The following TIMM23B variants were observed in gnomAD, a reference collection of about 807,000 sequenced individuals.
TIMM23B encodes translocase of inner mitochondrial membrane 23 homolog B, also known as mitochondrial import inner membrane translocase subunit Tim23B.
In TIMM23B, 27 loss-of-function variants were observed where a neutral mutation model predicts 27.3. That is an observed-to-expected ratio of 0.99 (90% CI 0.73 to 1.36). TIMM23B has a LOEUF of 1.36. Among genes scored for constraint, TIMM23B ranks in the 40% most tolerant of loss-of-function variants. The probability of loss-of-function intolerance (pLI) is 0.00; values close to 1 mark genes in which losing one functional copy is unlikely to be tolerated. For missense variants in TIMM23B, 205 were observed against 244.2 expected (o/e 0.84, Z 1.07); for synonymous variants, 73 against 92.4 (o/e 0.79, Z 1.21).
intron 6 of TIMM23B, among the ~76,000 whole-genome samples, chr10:49,964,533 A>G (rs558593774): frequency 8.2e-4 from 125 of 152,298 alleles, no homozygotes; most frequent in African/African-American, 2.9e-3. Context: ...TGGGCAATAG[A>G]GGGAGTCTCC....
chr10:49,952,483 A>G lies in TIMM23B; in HGVS notation c.294A>G (p.Leu98=), dbSNP rs1839565009. 2 of 1,613,196 alleles carry G rather than the reference A, an allele frequency of 1.2e-6. No homozygotes were observed. Among genetic ancestry groups the G allele is most frequent in the South Asian group, 1.1e-5 (1 of 91,000 alleles). The part of the protein sequence containing the change: ...AAFGAMNGLR[L]GLKETQNMAW... The stretch of plus-strand genomic sequence containing the variant: ...TTGGGGCAATGAATGGTCTTCGGCT[A>G]GGATTGAAGGAAACCCAGAACATGG... The change falls in exon 4 of 7, where the codon CTA becomes CTG. Residue 98 remains leucine, a synonymous_variant. Transcript: ENST00000651259.
intron 5 of TIMM23B, among the ~76,000 whole-genome samples, chr10:49,955,705 C>G (rs1313946954): frequency 6.6e-6 from 1 of 152,112 alleles, no homozygotes; most frequent in Non-Finnish European, 1.5e-5. Flanking sequence ...TTGAAAATCT[C>G]AATTTAAATT....
At chr10:49,964,876 C>G (rs1316224035) in intron 6 of TIMM23B, among the ~76,000 whole-genome samples, 3 of 151,964 alleles carry the variant, frequency 2.0e-5, no homozygotes, top group Non-Finnish European at 4.4e-5. Context: ...TAGAGTGAGA[C>G]TCCGTTTTGA....
intron 2 of TIMM23B, among the ~76,000 whole-genome samples, chr10:49,951,158 G>A (rs1839516268): frequency 6.6e-6 from 1 of 152,192 alleles, no homozygotes; most frequent in Admixed American, 6.5e-5. Context: ...GTGAGGATGT[G>A]TGCACATGCC....
rs1159213213 is a variant in TIMM23B, at chr10:49,951,287, A to G, written c.166-839A>G. Among the ~76,000 whole-genome samples the G allele has an allele frequency of 3.9e-3, 589 of 152,278 alleles. 7 individuals carry two copies. Among genetic ancestry groups the G allele is most frequent in the African/African-American group, 0.014 (569 of 41,548 alleles). ...ATGTTAATTGTCAGTGGTCTTTACT[A>G]TGTTAAATGTAACACACTATGTGTC... On this transcript the variant is annotated intron_variant, in intron 2 of 6. Transcript: ENST00000651259.
intron 2 of TIMM23B, among the ~76,000 whole-genome samples, chr10:49,949,468 G>A (rs1839454725): frequency 6.6e-6 from 1 of 151,852 alleles, no homozygotes; most frequent in Non-Finnish European, 1.5e-5. Flanking sequence ...CTAGTTGCAT[G>A]TATTTTGCTT....
At chr10:49,949,394 T>G (rs1358815631) in intron 2 of TIMM23B, among the ~76,000 whole-genome samples, 1 of 152,190 alleles carries the variant, frequency 6.6e-6, no homozygotes, top group Non-Finnish European at 1.5e-5. Context: ...ATTTTAACAT[T>G]GGGTGTTCCT....
At chr10:49,965,475 G>A (rs1298983001) in intron 6 of TIMM23B, among the ~76,000 whole-genome samples, 76 of 142,236 alleles carry the variant, frequency 5.3e-4, no homozygotes, top group African/African-American at 1.7e-3. Flanking sequence ...GTGTGGTGGT[G>A]CACTCCAGAC....
chr10:49,971,102 G>C lies in TIMM23B; in HGVS notation c.515-1910G>C, dbSNP rs1300970524. On this transcript the variant is annotated intron_variant, in intron 6 of 6. Coordinates refer to ENST00000651259, the MANE Select transcript of TIMM23B (RefSeq NM_001290117.2). Reference sequence around the variant, plus strand: ...ATGGATTAAGAGCGGTGCAAGATGTGCTTTGTTAAACAGATGCTTGAAGGC... The same window carrying C: ...ATGGATTAAGAGCGGTGCAAGATGTCCTTTGTTAAACAGATGCTTGAAGGC... 1.3e-5 allele frequency among the ~76,000 whole-genome samples: 2 copies of C among 152,252 alleles called. 1 individual carries two copies. Among genetic ancestry groups the C allele is most frequent in the South Asian group, 4.2e-4 (2 of 4,812 alleles).
chr10:49,952,394 G>GTT (rs1367649808), intron 3 of TIMM23B, 55 bp from the exon 4 acceptor site: 8 of 1,409,678 alleles, frequency 5.7e-6, no homozygotes, highest in South Asian at 1.3e-5. Flanking sequence ...CAGTTTTGAG[G>GTT]TTTTTTTTTT....
intron 6 of TIMM23B, among the ~76,000 whole-genome samples, chr10:49,963,703 C>A (rs1348916380): frequency 6.6e-6 from 1 of 152,142 alleles, no homozygotes; most frequent in Admixed American, 6.5e-5. Flanking sequence ...CGGTGGCTCA[C>A]GCCTGTAATC....
intron 4 of TIMM23B, among the ~76,000 whole-genome samples, chr10:49,954,685 T>C (rs1426921722): frequency 9.3e-5 from 14 of 150,692 alleles, no homozygotes; most frequent in Admixed American, 2.7e-4. Context: ...GCCTTATATA[T>C]ATTTAATGTG....
intron 6 of TIMM23B, among the ~76,000 whole-genome samples, chr10:49,965,805 A>G (rs1158970697): frequency 6.9e-6 from 1 of 145,862 alleles, no homozygotes; most frequent in Non-Finnish European, 1.6e-5. Context: ...CATCGAAATG[A>G]AATGAAATGA....
chr10:49,968,661 C>T (rs1455290416), intron 6 of TIMM23B, among the ~76,000 whole-genome samples: 4 of 152,110 alleles, frequency 2.6e-5, no homozygotes, highest in African/African-American at 7.2e-5. Flanking sequence ...AGTGAAACCC[C>T]GTCTCTACTG....
chr10:49,954,114 G>T (rs1415065401), intron 4 of TIMM23B: 4 of 156,348 alleles, frequency 2.6e-5, no homozygotes, highest in Non-Finnish European at 5.7e-5. Context: ...CAATCTTTTA[G>T]AAGCAATACA....
intron 6 of TIMM23B, among the ~76,000 whole-genome samples, chr10:49,965,102 C>T (rs184979660): frequency 4.4e-3 from 675 of 152,070 alleles, no homozygotes; most frequent in East Asian, 0.018. Flanking sequence ...TGCCTGTAAT[C>T]CCAGCTACTC....
chr10:49,971,677 C>A (rs1554856609), intron 6 of TIMM23B, among the ~76,000 whole-genome samples: 1 of 152,168 alleles, frequency 6.6e-6, no homozygotes, highest in Non-Finnish European at 1.5e-5. Context: ...CATAGCTTCT[C>A]CCCGTTGAGC....
chr10:49,957,325 G>T (rs1839757923), intron 5 of TIMM23B, among the ~76,000 whole-genome samples: 1 of 147,814 alleles, frequency 6.8e-6, no homozygotes, highest in Admixed American at 6.9e-5. Flanking sequence ...GGAGCTCACT[G>T]CAACCTAGAC....
intron 6 of TIMM23B, among the ~76,000 whole-genome samples, chr10:49,965,360 GCTGGGTGCACTCCAGC>G (rs1308560203): frequency 1.3e-4 from 19 of 151,076 alleles, no homozygotes; most frequent in African/African-American, 4.6e-4. Context: ...ATAATGAAAT[GCTGGGTGCACTCCAGC>G]CTGGGTGATA....
Sources: gnomAD v4.1 joint callset for allele counts (sites outside exome capture counted in the v4.1 genomes callset) on GRCh38, gnomAD v4.1.1 for gene constraint, MANE v1.5 for transcripts, NCBI Gene and HGNC (gene_info 2026-07-23, HGNC 2026-07-21) for gene names.